The following FGF14 variants were observed in gnomAD, a reference collection of about 807,000 sequenced individuals.
FGF14 encodes the protein fibroblast growth factor 14, also known as fibroblast growth factor homologous factor 4.
FGF14 carries 5 observed loss-of-function variants against 25.5 expected under a neutral mutation model. The ratio of observed to expected loss-of-function variants is 0.20; its 90% CI spans 0.10 to 0.41. FGF14 has a LOEUF of 0.41. Among genes scored for constraint, FGF14 ranks in the 10% least tolerant of loss-of-function variants. The pLI is 1.00. For missense variants in FGF14, 222 were observed against 320.1 expected, an observed-to-expected ratio of 0.69 and a Z score of 2.34; for synonymous variants, 138 against 118.3, an observed-to-expected ratio of 1.17 and a Z score of -1.08.
intron 1 of FGF14, among the ~76,000 whole-genome samples, chr13:102,301,094 A>G (rs907020117): frequency 6.6e-6 from 1 of 152,212 alleles, no homozygotes; most frequent in Non-Finnish European, 1.5e-5. Flanking sequence ...AAAATTGGCA[A>G]GCAATGAGTC....
At chr13:102,004,307 C>A (rs1362746739) in intron 1 of FGF14, among the ~76,000 whole-genome samples, 1 of 152,134 alleles carries the variant, frequency 6.6e-6, no homozygotes, top group Non-Finnish European at 1.5e-5. Flanking sequence ...AGATGAGTCA[C>A]TTCAGAATGT....
chr13:102,336,872 T>A (rs1266791578), intron 1 of FGF14, among the ~76,000 whole-genome samples: 1 of 152,190 alleles, frequency 6.6e-6, no homozygotes, highest in Non-Finnish European at 1.5e-5. Context: ...CAAAACTGTT[T>A]ATAGCACAGT....
intron 1 of FGF14, among the ~76,000 whole-genome samples, chr13:101,929,132 G>A (rs1190969204): frequency 2.6e-5 from 4 of 152,192 alleles, no homozygotes; most frequent in African/African-American, 4.8e-5. Flanking sequence ...CCCCTTGAGT[G>A]GCTCAGAATA....
intron 1 of FGF14, among the ~76,000 whole-genome samples, chr13:102,141,409 A>G (rs1033212768): frequency 2.6e-5 from 4 of 152,218 alleles, no homozygotes; most frequent in African/African-American, 9.6e-5. Flanking sequence ...TTCTAGTGAT[A>G]CTTATCAGTA....
At chr13:102,363,550 C>T (rs1173478135) in intron 1 of FGF14, among the ~76,000 whole-genome samples, 2 of 152,202 alleles carry the variant, frequency 1.3e-5, no homozygotes, top group Non-Finnish European at 2.9e-5. Context: ...TTCCAGTACA[C>T]CACCACTGCA....
chr13:102,089,648 C>T (rs773758075), intron 1 of FGF14, among the ~76,000 whole-genome samples: 1 of 152,108 alleles, frequency 6.6e-6, no homozygotes, highest in African/African-American at 2.4e-5. Flanking sequence ...TCAACCATTA[C>T]ACAATGTACG....
intron 1 of FGF14, among the ~76,000 whole-genome samples, chr13:102,316,020 G>A (rs541569018): frequency 6.6e-6 from 1 of 152,310 alleles, no homozygotes; most frequent in African/African-American, 2.4e-5. Flanking sequence ...ACTGTGCAGA[G>A]AAGAATAAAG....
chr13:102,176,605 G>A (rs1403281185), intron 1 of FGF14, among the ~76,000 whole-genome samples: 1 of 152,066 alleles, frequency 6.6e-6, no homozygotes, highest in Non-Finnish European at 1.5e-5. Context: ...TAAAATTTCA[G>A]TTCCACAAAA....
At chr13:101,952,441 G>A (rs1302152139) in intron 1 of FGF14, among the ~76,000 whole-genome samples, 2 of 147,542 alleles carry the variant, frequency 1.4e-5, no homozygotes, top group South Asian at 2.1e-4. Flanking sequence ...TTTATTGTCT[G>A]AAAGAAAAAA....
At chr13:102,264,894 T>G (rs2141133461) in intron 1 of FGF14, among the ~76,000 whole-genome samples, 1 of 152,162 alleles carries the variant, frequency 6.6e-6, no homozygotes, top group South Asian at 2.1e-4. Flanking sequence ...AAGGTCAAGG[T>G]CAGTCTCCCA....
At chr13:101,988,031 G>T (rs1209984046) in intron 1 of FGF14, among the ~76,000 whole-genome samples, 1 of 152,004 alleles carries the variant, frequency 6.6e-6, no homozygotes, top group Non-Finnish European at 1.5e-5. Context: ...TGCATAAGAA[G>T]CCATATGTAA....
At chr13:102,060,157 C>CAAAA (rs199958869) in intron 1 of FGF14, among the ~76,000 whole-genome samples, 1 of 143,536 alleles carries the variant, frequency 7.0e-6, no homozygotes, top group Non-Finnish European at 1.5e-5. Context: ...TGCAAATATT[C>CAAAA]AAAAAAAAAA....
chr13:102,188,536 T>C (rs1436469173), intron 1 of FGF14, among the ~76,000 whole-genome samples: 1 of 152,196 alleles, frequency 6.6e-6, no homozygotes, highest in African/African-American at 2.4e-5. Flanking sequence ...GTTTTGAGAA[T>C]TAAATGAGAT....
chr13:102,014,933 A>G (rs1433087936), intron 1 of FGF14, among the ~76,000 whole-genome samples: 1 of 152,140 alleles, frequency 6.6e-6, no homozygotes, highest in East Asian at 1.9e-4. Context: ...TTATTTATTC[A>G]TTTTGAGACA....
intron 1 of FGF14, among the ~76,000 whole-genome samples, chr13:102,176,924 G>C (rs2048474031): frequency 6.6e-6 from 1 of 152,106 alleles, no homozygotes; most frequent in Non-Finnish European, 1.5e-5. Context: ...CAAACCTGTA[G>C]TATACTAGTT....
chr13:102,228,777 A>G (rs569252288), intron 1 of FGF14, among the ~76,000 whole-genome samples: 1 of 152,314 alleles, frequency 6.6e-6, no homozygotes, highest in South Asian at 2.1e-4. Flanking sequence ...AGTGATTCTA[A>G]AAGTGTGCTC....
At chr13:102,062,061 G>T (rs939554525) in intron 1 of FGF14, among the ~76,000 whole-genome samples, 1 of 152,158 alleles carries the variant, frequency 6.6e-6, no homozygotes, top group African/African-American at 2.4e-5. Context: ...ATGGTAGTTT[G>T]TTATTTAGCA....
At chr13:102,019,061 T>C (rs2040496736) in intron 1 of FGF14, among the ~76,000 whole-genome samples, 1 of 152,168 alleles carries the variant, frequency 6.6e-6, no homozygotes, top group Admixed American at 6.5e-5. Flanking sequence ...CAACTCATTG[T>C]AGACATTTTG....
At chr13:102,119,147 A>G (rs968539106) in intron 1 of FGF14, among the ~76,000 whole-genome samples, 66 of 152,340 alleles carry the variant, frequency 4.3e-4, no homozygotes, top group African/African-American at 1.5e-3. Flanking sequence ...CTACAGCATC[A>G]TCTATGAGGT....
Sources: gnomAD v4.1 joint callset for allele counts (sites outside exome capture counted in the v4.1 genomes callset) on GRCh38, gnomAD v4.1.1 for gene constraint, MANE v1.5 for transcripts, NCBI Gene and HGNC (gene_info 2026-07-23, HGNC 2026-07-21) for gene names.